Variants in TMEM232 observed in about 807,000 individuals in gnomAD.
TMEM232 encodes the protein transmembrane protein 232.
A neutral mutation model predicts 78.8 loss-of-function variants in TMEM232; 80 were observed. The observed-to-expected ratio is 1.01, with a 90% CI of 0.85 to 1.22. The LOEUF (loss-of-function observed/expected upper bound fraction) is 1.22. Among genes scored for constraint, TMEM232 ranks in the 50% most tolerant of loss-of-function variants. The probability of loss-of-function intolerance (pLI) is 0.00; values close to 1 mark genes in which losing one functional copy is unlikely to be tolerated. For synonymous variants in TMEM232, 297 were observed against 254.3 expected, an observed-to-expected ratio of 1.17 and a Z score of -1.60; for missense variants, 881 against 742.2, an observed-to-expected ratio of 1.19 and a Z score of -2.17.
chr5:110,712,730 T>C (rs1414974221), intron 1 of TMEM232, among the ~76,000 whole-genome samples: 1 of 152,158 alleles, frequency 6.6e-6, no homozygotes, highest in Non-Finnish European at 1.5e-5. Flanking sequence ...CCATTTAAAA[T>C]GGCTTTTGTC....
intron 11 of TMEM232, among the ~76,000 whole-genome samples, chr5:110,545,600 A>G (rs1267158918): frequency 6.6e-6 from 1 of 152,078 alleles, no homozygotes. Context: ...AGAAATAGGC[A>G]CTGGGAAAAT....
chr5:110,722,052 T>C (rs1176853774), intron 1 of TMEM232, among the ~76,000 whole-genome samples: 1 of 151,850 alleles, frequency 6.6e-6, no homozygotes, highest in Non-Finnish European at 1.5e-5. Context: ...CATAAAACAT[T>C]GTCAGGGGTT....
intron 8 of TMEM232, among the ~76,000 whole-genome samples, chr5:110,609,028 C>T (rs974511904): frequency 2.6e-5 from 4 of 152,188 alleles, no homozygotes; most frequent in African/African-American, 7.2e-5. Flanking sequence ...TACATACACA[C>T]ATGCACACAT....
downstream of TMEM232, among the ~76,000 whole-genome samples, chr5:110,416,008 C>T (rs1275274840): frequency 6.6e-6 from 1 of 152,032 alleles, no homozygotes; most frequent in Non-Finnish European, 1.5e-5. Context: ...AAAAAAATAA[C>T]AAGCCAAATT....
chr5:110,657,384 A>AGTGTGT (rs56213934), intron 2 of TMEM232, among the ~76,000 whole-genome samples: 93,381 of 149,174 alleles, frequency 0.63, 31,656 homozygotes, highest in Non-Finnish European at 0.76. Context: ...TATCTATCTG[A>AGTGTGT]GTGTGTGTGT....
intron 8 of TMEM232, among the ~76,000 whole-genome samples, chr5:110,613,259 T>C (rs992993934): frequency 6.6e-6 from 1 of 152,134 alleles, no homozygotes; most frequent in Non-Finnish European, 1.5e-5. Context: ...TTTTGTACTG[T>C]AGGATCTTTA....
At chr5:110,672,669 T>G (rs1307295657) in intron 1 of TMEM232, among the ~76,000 whole-genome samples, 1 of 152,026 alleles carries the variant, frequency 6.6e-6, no homozygotes, top group Non-Finnish European at 1.5e-5. Context: ...AGGTTCAAAA[T>G]AATCCTCCCT....
chr5:110,460,542 T>C (rs368256002), intron 12 of TMEM232, among the ~76,000 whole-genome samples: 8 of 152,156 alleles, frequency 5.3e-5, no homozygotes, highest in African/African-American at 1.9e-4. Flanking sequence ...CTTAAATCAA[T>C]TTTGGGACAC....
chr5:110,654,704 T>C (rs1788792601), intron 2 of TMEM232, among the ~76,000 whole-genome samples: 1 of 152,176 alleles, frequency 6.6e-6, no homozygotes, highest in South Asian at 2.1e-4. Flanking sequence ...GGTAGCTAGA[T>C]GGGGATGGCA....
At chr5:110,571,762 TTGGGAAGATC>T (rs1279927162) in intron 10 of TMEM232, among the ~76,000 whole-genome samples, 1 of 151,502 alleles carries the variant, frequency 6.6e-6, no homozygotes, top group African/African-American at 2.4e-5. Context: ...GGAGGCTGTG[TTGGGAAGATC>T]ACTTCACCCA....
At chr5:110,441,327 C>T (rs140698465) in intron 12 of TMEM232, among the ~76,000 whole-genome samples, 4 of 152,176 alleles carry the variant, frequency 2.6e-5, no homozygotes, top group Non-Finnish European at 5.9e-5. Flanking sequence ...GAAGCACTAC[C>T]CTAACATAAT....
intron 11 of TMEM232, among the ~76,000 whole-genome samples, chr5:110,533,353 C>T (rs1471501626): frequency 6.6e-6 from 1 of 152,172 alleles, no homozygotes; most frequent in Non-Finnish European, 1.5e-5. Context: ...CCTTACAAAA[C>T]AACAACTCCT....
At chr5:110,640,275 C>T (rs1786485168) in intron 4 of TMEM232, among the ~76,000 whole-genome samples, 1 of 152,076 alleles carries the variant, frequency 6.6e-6, no homozygotes, top group Admixed American at 6.6e-5. Context: ...CACTACAAAA[C>T]CTAATTTACA....
At chr5:110,656,108 C>T (rs185883943) in intron 2 of TMEM232, among the ~76,000 whole-genome samples, 1 of 152,042 alleles carries the variant, frequency 6.6e-6, no homozygotes, top group Non-Finnish European at 1.5e-5. Flanking sequence ...AGGTTATGTA[C>T]AGCCAAAACC....
chr5:110,410,086 A>T (rs1755935617), intron 2 of TMEM232, among the ~76,000 whole-genome samples: 1 of 152,162 alleles, frequency 6.6e-6, no homozygotes, highest in Admixed American at 6.5e-5. Flanking sequence ...TGCGCATTAC[A>T]CCTCATGAAG....
chr5:110,468,993 C>T (rs944722711), intron 12 of TMEM232, among the ~76,000 whole-genome samples: 1 of 152,078 alleles, frequency 6.6e-6, no homozygotes, highest in Non-Finnish European at 1.5e-5. Flanking sequence ...AGCTTGAAAC[C>T]AGGAGGAACT....
rs118095578 is a variant in TMEM232 at position 110,501,353 on chromosome 5, G to C, written c.1703+27235C>G. On this transcript the variant is annotated intron_variant, in intron 12 of 13. Transcript: ENST00000455884. Reference sequence around the variant, plus strand: ...TTCTGTTTATAAAGGAATTGTAAGAGAAAAGTAGAATGTAAATACTAATTA... The same window carrying C: ...TTCTGTTTATAAAGGAATTGTAAGACAAAAGTAGAATGTAAATACTAATTA... 9.2e-5 allele frequency among the ~76,000 whole-genome samples: 14 copies of C among 151,950 alleles called. No homozygotes were observed. The East Asian group carries it at 2.3e-3, about 25-fold the overall frequency.
chr5:110,702,016 C>T (rs1344086765), intron 1 of TMEM232, among the ~76,000 whole-genome samples: 1 of 151,970 alleles, frequency 6.6e-6, no homozygotes, highest in Non-Finnish European at 1.5e-5. Context: ...ACTCCAAAAA[C>T]TAGACAGCTA....
At chr5:110,604,365 C>T (rs1001865155) in intron 10 of TMEM232, among the ~76,000 whole-genome samples, 1 of 151,962 alleles carries the variant, frequency 6.6e-6, no homozygotes, top group Non-Finnish European at 1.5e-5. Flanking sequence ...AGACATAAGA[C>T]AGCTACTATT....
Sources: gnomAD v4.1 joint callset for allele counts (sites outside exome capture counted in the v4.1 genomes callset) on GRCh38, gnomAD v4.1.1 for gene constraint, MANE v1.5 for transcripts, NCBI Gene and HGNC (gene_info 2026-07-23, HGNC 2026-07-21) for gene names.